The following PIK3CA variants were observed in gnomAD, a reference collection of about 807,000 sequenced individuals.
PIK3CA encodes phosphatidylinositol 4,5-bisphosphate 3-kinase catalytic subunit alpha isoform.
In PIK3CA, 27 loss-of-function variants were observed where a neutral mutation model predicts 138.2. The ratio of observed to expected loss-of-function variants is 0.20; its 90% confidence interval spans 0.14 to 0.27. The LOEUF (loss-of-function observed/expected upper bound fraction) is 0.27, where lower values mean the gene tolerates loss of function less well. PIK3CA is among the 10% of genes least tolerant of loss of function. PIK3CA has a pLI of 1.00. For missense variants in PIK3CA, 544 were observed against 1,277.4 expected, an observed-to-expected ratio of 0.43 and a Z score of 8.75; for synonymous variants, 358 against 413.2, an observed-to-expected ratio of 0.87 and a Z score of 1.62.
At chr3:179,182,911 A>G (rs1432457386) in intron 1 of PIK3CA, among the ~76,000 whole-genome samples, 1 of 152,232 alleles carries the variant, frequency 6.6e-6, no homozygotes, top group Non-Finnish European at 1.5e-5. Context: ...GCTGTATTGT[A>G]TTATCGAAAA....
intron 6 of PIK3CA, among the ~76,000 whole-genome samples, chr3:179,208,167 TA>T: frequency 6.6e-6 from 1 of 152,328 alleles, no homozygotes; most frequent in South Asian, 2.1e-4. Context: ...ACCATATTTT[TA>T]AAAATCTTTA....
chr3:179,209,087 A>C (rs1446559260), intron 6 of PIK3CA, among the ~76,000 whole-genome samples: 2 of 150,194 alleles, frequency 1.3e-5, no homozygotes, highest in Non-Finnish European at 3.0e-5. Context: ...TGTAGCACAC[A>C]TGCATAAAAG....
chr3:179,224,037 A>T (rs2108416535), intron 14 of PIK3CA, 44 bp from the exon 15 acceptor site: 1 of 1,058,806 alleles, frequency 9.4e-7, no homozygotes, highest in South Asian at 1.3e-5. Flanking sequence ...TTTATCTTTT[A>T]TTAAGTCAGT....
At position 179,201,287 on chromosome 3, in the gene PIK3CA, T is replaced by C. The variant is rs200507422; in HGVS notation, c.563-3T>C. The C allele has an allele frequency of 1.6e-5, 26 of 1,609,596 alleles. No homozygotes were observed. The Admixed American group carries it at 3.5e-4, about 22-fold the overall frequency. ...GATTGCATCTAATGTTTTCCTGTTA[T>C]AGGGCAAATAATAGTGGTGATCTGG... On this transcript the variant is annotated splice_region_variant and splice_polypyrimidine_tract_variant and intron_variant, in intron 3 of 20. Coordinates refer to ENST00000263967, the MANE Select transcript of PIK3CA (RefSeq NM_006218.4).
At chr3:179,174,672 C>T (rs1250044987) in intron 1 of PIK3CA, among the ~76,000 whole-genome samples, 4 of 152,138 alleles carry the variant, frequency 2.6e-5, no homozygotes, top group Non-Finnish European at 5.9e-5. Context: ...CATTAGTTTT[C>T]TCTTATAATT....
chr3:179,215,175 G>A lies in PIK3CA; in HGVS notation c.1540-3035G>A, dbSNP rs182218168. Among the ~76,000 whole-genome samples, 5 of 152,270 alleles carry A rather than the reference G, an allele frequency of 3.3e-5. No homozygotes were observed. In the East Asian group the frequency reaches 9.6e-4, roughly 29 times the overall value. ...TTATTGATTCATAGCTGTGTTCTCA[G>A]TAAGGCGTTTACCACTACTTTTCGG... is the stretch of plus-strand genomic sequence containing the variant. On this transcript the variant is annotated intron_variant, in intron 9 of 20. Transcript: ENST00000263967.
intron 1 of PIK3CA, among the ~76,000 whole-genome samples, chr3:179,179,935 GT>G (rs1371902999): frequency 6.6e-6 from 1 of 152,084 alleles, no homozygotes; most frequent in Non-Finnish European, 1.5e-5. Flanking sequence ...GGCAATAAAT[GT>G]GAATATGAGG....
rs181920870 is a variant in PIK3CA at position 179,169,909 on chromosome 3, A to G, written c.-77+21306A>G. On this transcript the variant is annotated intron_variant, in intron 1 of 20. Transcript: ENST00000263967. ...CAGATTCAGTAGTTTGTTAAAACAC[A>G]CACACATACCATAGCCAAATGGCAT... Among the ~76,000 whole-genome samples, 11 of 152,370 alleles carry G rather than the reference A, an allele frequency of 7.2e-5. No homozygotes were observed. In the East Asian group the frequency reaches 1.2e-3, roughly 16 times the overall value.
At chr3:179,187,851 C>A (rs1392685182) in intron 1 of PIK3CA, among the ~76,000 whole-genome samples, 4 of 152,006 alleles carry the variant, frequency 2.6e-5, no homozygotes, top group East Asian at 2.0e-4. Flanking sequence ...GTTGGCCAGG[C>A]TGGTCTCGAT....
At chr3:179,189,587 T>C (rs1199967760) in intron 1 of PIK3CA, among the ~76,000 whole-genome samples, 1 of 152,022 alleles carries the variant, frequency 6.6e-6, no homozygotes, top group Non-Finnish European at 1.5e-5. Flanking sequence ...TTATTTGTCA[T>C]TAAAAAAAAA....
intron 18 of PIK3CA, 73 bp from the exon 19 acceptor site, chr3:179,229,931 C>T: frequency 4.6e-6 from 4 of 872,588 alleles, no homozygotes; most frequent in South Asian, 1.8e-5. Context: ...AAACTTGCAC[C>T]CTGTTTTCTT....
At chr3:179,212,744 A>G (rs951920833) in intron 9 of PIK3CA, among the ~76,000 whole-genome samples, 15 of 152,116 alleles carry the variant, frequency 9.9e-5, no homozygotes, top group African/African-American at 1.9e-4. Context: ...CCCGGCCAAA[A>G]GACAAAATAA....
In PIK3CA at chr3:179,229,291, C is replaced by T. The variant is rs2108422462; in HGVS notation, c.2515C>T (p.Leu839=). 6.2e-7 allele frequency: 1 copy of T among 1,611,332 alleles called. No homozygotes were observed. The highest frequency in any genetic ancestry group is 1.1e-5 in the South Asian group (1 of 90,560). The part of the protein sequence containing the change: ...LDLRMLPYGC[L]SIGDCVGLIE... ...TTTCAGAATGTTACCTTATGGTTGTCTGTCAATCGGTGACTGTGTGGGACT... is the reference window on the plus strand; with the variant it reads ...TTTCAGAATGTTACCTTATGGTTGTTTGTCAATCGGTGACTGTGTGGGACT... Residue 839 remains leucine, a synonymous_variant, in exon 18 of 21, where the codon CTG becomes TTG. Coordinates refer to ENST00000263967, the MANE Select transcript of PIK3CA (RefSeq NM_006218.4).
chr3:179,212,564 G>T (rs10936992), intron 9 of PIK3CA, among the ~76,000 whole-genome samples: 1 of 151,402 alleles, frequency 6.6e-6, no homozygotes, highest in Non-Finnish European at 1.5e-5. Flanking sequence ...AGATTGCGCC[G>T]CTGCACTCCA....
intron 6 of PIK3CA, among the ~76,000 whole-genome samples, chr3:179,205,395 A>AC (rs1170634513): frequency 6.6e-6 from 1 of 152,192 alleles, no homozygotes; most frequent in Non-Finnish European, 1.5e-5. Context: ...CAAAGAGAGA[A>AC]CAGAGTATGG....
chr3:179,160,163 T>A (rs1370653101), intron 1 of PIK3CA, among the ~76,000 whole-genome samples: 2 of 152,196 alleles, frequency 1.3e-5, no homozygotes, highest in Non-Finnish European at 2.9e-5. Context: ...TACAATGTTA[T>A]GACAGCTATG....
At position 179,204,740 on chromosome 3, in the gene PIK3CA, G is replaced by A. The variant is rs150741335; in HGVS notation, c.1145+152G>A. On this transcript the variant is annotated intron_variant, in intron 6 of 20. Transcript: ENST00000263967. ...TTTTCTTAAAAATTAGCTAGGCACT[G>A]GCCAGGCACGGTGGCTCATGCCTGT... is the stretch of plus-strand genomic sequence containing the variant. 1.1e-3 allele frequency: 547 copies of A among 476,704 alleles called. 2 individuals are homozygous for A. Among genetic ancestry groups the A allele is most frequent in the Non-Finnish European group, 1.8e-3 (472 of 255,270 alleles). 29.5% of individuals were successfully genotyped at this position (476,704 alleles called of 1,614,324 possible).
intron 6 of PIK3CA, among the ~76,000 whole-genome samples, chr3:179,207,933 A>C (rs1046289662): frequency 1.3e-5 from 2 of 152,120 alleles, no homozygotes; most frequent in Non-Finnish European, 2.9e-5. Flanking sequence ...CCAGCAACTC[A>C]GGAGGCTAAG....
At chr3:179,210,082 CATT>C in intron 7 of PIK3CA, 101 bp from the exon 8 acceptor site, 2 of 817,666 alleles carry the variant, frequency 2.4e-6, no homozygotes, top group Non-Finnish European at 3.7e-6. Flanking sequence ...TAGATATTCC[CATT>C]ATTATAGAGA....
Sources: allele counts gnomAD v4.1 joint callset (sites outside exome capture counted in the v4.1 genomes callset), GRCh38; gene constraint gnomAD v4.1.1; transcripts MANE v1.5; gene names NCBI Gene and HGNC (gene_info 2026-07-23, HGNC 2026-07-21).